Variants in DIP2A observed in about 807,000 individuals in gnomAD.
The protein encoded by DIP2A is disco-interacting protein 2 homolog A.
A neutral mutation model predicts 177.4 loss-of-function variants in DIP2A; 85 were observed. That is an observed-to-expected ratio of 0.48 (90% CI 0.40 to 0.57). The LOEUF (loss-of-function observed/expected upper bound fraction) is 0.57. DIP2A is among the 20% of genes least tolerant of loss of function. The pLI is 0.00. For missense variants in DIP2A, 1,791 were observed against 2,100.2 expected (o/e 0.85, Z 2.88); for synonymous variants, 886 against 881.8 (o/e 1.00, Z -0.08).
intron 1 of DIP2A, among the ~76,000 whole-genome samples, chr21:46,478,477 G>T (rs1028178882): frequency 2.6e-5 from 4 of 152,144 alleles, no homozygotes; most frequent in Admixed American, 6.5e-5. Context: ...CTCCCAAAGT[G>T]CTGGGATTAC....
chr21:46,459,994 G>GC (rs2054159857), intron 1 of DIP2A, among the ~76,000 whole-genome samples: 1 of 152,164 alleles, frequency 6.6e-6, no homozygotes, highest in South Asian at 2.1e-4. Flanking sequence ...TTGTCCGCAG[G>GC]CAGCTACTTC....
Position 46,537,180 on chromosome 21 carries a change from T to G in DIP2A, c.1643-44T>G. On this transcript the variant is annotated intron_variant, in intron 13 of 37. Coordinates refer to ENST00000417564, the MANE Select transcript of DIP2A (RefSeq NM_015151.4). This position sits in a 1 kb window ranked among gnomAD's most constrained non-coding sequence, Gnocchi z 4.1. ...TCTCTAGAAAATGCATAGGGCTTAT[T>G]GAGAGGGTTGCTCAGTGGTGTCACC... 1.5e-4 allele frequency: 245 copies of G among 1,601,250 alleles called. No individual in the cohort carries two copies. Among genetic ancestry groups the G allele is most frequent in the Non-Finnish European group, 1.9e-4 (223 of 1,168,248 alleles).
At chr21:46,462,057 T>C (rs2054366899) in intron 1 of DIP2A, among the ~76,000 whole-genome samples, 1 of 151,850 alleles carries the variant, frequency 6.6e-6, no homozygotes, top group Non-Finnish European at 1.5e-5. Flanking sequence ...CAAAAAAAAG[T>C]GTTAAAGGGA....
intron 1 of DIP2A, among the ~76,000 whole-genome samples, chr21:46,466,611 G>A (rs2054855805): frequency 6.6e-6 from 1 of 151,826 alleles, no homozygotes; most frequent in Non-Finnish European, 1.5e-5. Flanking sequence ...CTCCTAAAGT[G>A]CTGGGATTAC....
chr21:46,555,629 G>A (rs909367807), intron 28 of DIP2A: 8 of 275,158 alleles, frequency 2.9e-5, no homozygotes, highest in African/African-American at 6.8e-5. Context: ...TGCTGTGGTC[G>A]GGACTCGGCT....
intron 1 of DIP2A, 30 bp from the exon 2 acceptor site, chr21:46,484,727 A>T: frequency 6.6e-7 from 1 of 1,524,242 alleles, no homozygotes; most frequent in Non-Finnish European, 8.8e-7. Context: ...TGTAGAAGAA[A>T]TGCAATTCTT....
In DIP2A at chr21:46,509,090, A is replaced by G. The variant is rs143174935; in HGVS notation, c.785-167A>G. Among the ~76,000 whole-genome samples the G allele has an allele frequency of 3.4e-4, 52 of 152,338 alleles. No homozygotes were observed. The East Asian group carries it at 8.7e-3, about 25-fold the overall frequency. Reference sequence around the variant, plus strand: ...CCTGTTTCCTGGAAGGCATTCAGTAAGTGTTTTCTAAATGAATTGATTCCA... The same window carrying G: ...CCTGTTTCCTGGAAGGCATTCAGTAGGTGTTTTCTAAATGAATTGATTCCA... On this transcript the variant is annotated intron_variant, in intron 6 of 37. Transcript: ENST00000417564.
At position 46,559,266 on chromosome 21, in the gene DIP2A, G is replaced by T. The variant is rs147975069; in HGVS notation, c.3969+873G>T. Among the ~76,000 whole-genome samples, 914 of 152,224 alleles carry T rather than the reference G, an allele frequency of 6.0e-3. 8 individuals carry two copies. Among genetic ancestry groups the T allele is most frequent in the Middle Eastern group, 0.024 (7 of 294 alleles). On this transcript the variant is annotated intron_variant, in intron 32 of 37. Coordinates refer to ENST00000417564, the MANE Select transcript of DIP2A (RefSeq NM_015151.4). ...TCTAAAAACATCTTAAAACCAAATG[G>T]CTTTTTAGATAACCCTACATATTGA...
At chr21:46,543,991 CAAG>C in intron 18 of DIP2A, among the ~76,000 whole-genome samples, 1 of 152,290 alleles carries the variant, frequency 6.6e-6, no homozygotes, top group South Asian at 2.1e-4. Context: ...GAAAAAAACT[CAAG>C]AAGAGGCACA....
At chr21:46,463,943 C>T (rs2054569072) in intron 1 of DIP2A, among the ~76,000 whole-genome samples, 1 of 151,362 alleles carries the variant, frequency 6.6e-6, no homozygotes, top group Non-Finnish European at 1.5e-5. Context: ...CTCCTGACCT[C>T]GTGATCCACC....
chr21:46,583,030 A>G, the DIP2A span, among the ~76,000 whole-genome samples: 60 of 152,322 alleles, frequency 3.9e-4, no homozygotes, highest in Non-Finnish European at 7.3e-4. Flanking sequence ...TTATTCAAAG[A>G]TACAAATAGA....
At chr21:46,502,437 A>ATTTTTTTTT (rs36011338) in intron 5 of DIP2A, among the ~76,000 whole-genome samples, 1 of 44,834 alleles carries the variant, frequency 2.2e-5, no homozygotes, top group African/African-American at 1.0e-4. Context: ...GCTAGTGTTG[A>ATTTTTTTTT]TTTTTTTTTT....
chr21:46,546,084 G>T (rs771821573), intron 20 of DIP2A, 123 bp downstream of exon 20: 2 of 1,538,560 alleles, frequency 1.3e-6, no homozygotes, highest in East Asian at 4.7e-5. Context: ...GGCCTTGGTC[G>T]GTGGCGCTGA....
chr21:46,552,484 C>T (rs1467372460), intron 25 of DIP2A, among the ~76,000 whole-genome samples: 5 of 152,086 alleles, frequency 3.3e-5, no homozygotes, highest in South Asian at 2.1e-4. Context: ...ATGCGAAATG[C>T]GGAAACACAG....
At chr21:46,536,641 C>A (rs753133672) in intron 13 of DIP2A, among the ~76,000 whole-genome samples, 2 of 152,166 alleles carry the variant, frequency 1.3e-5, no homozygotes, top group South Asian at 2.1e-4. Context: ...CGGTGACTTA[C>A]ACCTGTAATC....
intron 1 of DIP2A, among the ~76,000 whole-genome samples, chr21:46,465,552 T>A (rs565565989): frequency 6.6e-6 from 1 of 152,212 alleles, no homozygotes; most frequent in Admixed American, 6.5e-5. Flanking sequence ...ATTTCTGTTT[T>A]CACTGTGTTG....
chr21:46,462,987 T>C (rs1188844795), intron 1 of DIP2A: 1 of 152,246 alleles, frequency 6.6e-6, no homozygotes, highest in Non-Finnish European at 1.5e-5. Flanking sequence ...ATTTCTGTTA[T>C]AGATTCCCAA....
chr21:46,524,563 C>G (rs958266336), intron 8 of DIP2A, among the ~76,000 whole-genome samples: 2 of 152,138 alleles, frequency 1.3e-5, no homozygotes, highest in Non-Finnish European at 2.9e-5. Context: ...ATTCCAGACC[C>G]CAAGAGAGGC....
chr21:46,471,937 C>T, intron 1 of DIP2A, among the ~76,000 whole-genome samples: 1 of 152,138 alleles, frequency 6.6e-6, no homozygotes, highest in East Asian at 1.9e-4. Context: ...AGACAAAGAG[C>T]TTTTACACTC....
Sources: allele counts gnomAD v4.1 joint callset (sites outside exome capture counted in the v4.1 genomes callset), GRCh38; gene constraint gnomAD v4.1.1; non-coding constraint Gnocchi (gnomAD v3.1); transcripts MANE v1.5; gene names NCBI Gene and HGNC (gene_info 2026-07-23, HGNC 2026-07-21).